RXRB: variants seen among roughly 807,000 people sequenced by gnomAD.
RXRB encodes retinoid X receptor beta.
In RXRB, 18 loss-of-function variants were observed where a neutral mutation model predicts 52.5. That is an observed-to-expected ratio of 0.34 (90% CI 0.24 to 0.51). RXRB has a LOEUF of 0.51. Ranked by LOEUF, RXRB falls within the 20% of genes least tolerant of loss-of-function variation. The pLI is 0.97. For synonymous variants in RXRB, 233 were observed against 267.1 expected, an observed-to-expected ratio of 0.87 and a Z score of 1.25; for missense variants, 455 against 698.2, an observed-to-expected ratio of 0.65 and a Z score of 3.92.
chr6:33,196,551 A>G lies in RXRB; in HGVS notation c.876T>C (p.Ala292=), dbSNP rs766184470. Residue 292 remains alanine (A), a synonymous_variant, in exon 5 of 10, where the codon GCT becomes GCC. Coordinates refer to ENST00000374680, the MANE Select transcript of RXRB (RefSeq NM_021976.5). The surrounding 1 kb of genome is among the most constrained non-coding windows in gnomAD (Gnocchi z 4.0). Reference sequence around the variant, plus strand: ...CAGGCATCTCCTCGGGGGCTCCCCCAGCCCCCTCCCCATCCCCATCCTTGT... The same window carrying G: ...CAGGCATCTCCTCGGGGGCTCCCCCGGCCCCCTCCCCATCCCCATCCTTGT... The part of the protein sequence containing the change: ...GKDKDGDGEG[A]GGAPEEMPVD... 79 of 1,590,106 alleles carry G rather than the reference A, an allele frequency of 5.0e-5. No homozygotes were observed. Among genetic ancestry groups the G allele is most frequent in the Non-Finnish European group, 5.6e-5 (65 of 1,159,880 alleles).
Position 33,194,451 on chromosome 6 carries a change from A to T in RXRB, c.*231T>A, listed in dbSNP as rs5030979. On this transcript the variant is annotated 3_prime_UTR_variant, in exon 10 of 10. Transcript: ENST00000374680. The surrounding 1 kb of genome is among the most constrained non-coding windows in gnomAD (Gnocchi z 4.1). The stretch of plus-strand genomic sequence containing the variant: ...AATCATGGGAGAACCCGACAAATTC[A>T]GAGACTCAAGGCCACCGAAGAGAGA... 59,414 of 506,762 alleles carry T rather than the reference A, an allele frequency of 0.12. 4,392 individuals are homozygous for T. The highest frequency in any genetic ancestry group is 0.25 in the Admixed American group (7,077 of 27,998). 31.4% of individuals were successfully genotyped at this position (506,762 alleles called of 1,614,324 possible).
rs552458475 is a variant in RXRB at position 33,196,914 on chromosome 6, T to A, written c.821-308A>T. ...GAGAAAGCTGATTGAAAAAAAAAAT[T>A]TTTTTAAATAAAATATGCCAAGAAA... On this transcript the variant is annotated intron_variant, in intron 4 of 9. Coordinates refer to ENST00000374680, the MANE Select transcript of RXRB (RefSeq NM_021976.5). This position sits in a 1 kb window ranked among gnomAD's most constrained non-coding sequence, Gnocchi z 4.0. 5.6e-4 allele frequency among the ~76,000 whole-genome samples: 85 copies of A among 152,132 alleles called. No individual in the cohort carries two copies. The highest frequency in any genetic ancestry group is 1.7e-3 in the African/African-American group (72 of 41,484).
Position 33,200,256 on chromosome 6 carries a change from C to T in RXRB, c.221G>A (p.Gly74Asp), listed in dbSNP as rs1774375787. 6.2e-7 allele frequency: 1 copy of T among 1,606,824 alleles called. No individual in the cohort carries two copies. The highest frequency in any genetic ancestry group is 8.5e-7 in the Non-Finnish European group (1 of 1,178,366). Residue 74 changes from glycine (G) to aspartate (D), a missense_variant, in exon 1 of 10, where the codon GGC becomes GAC. By Grantham distance (94) the Gly-to-Asp change is moderately conservative. Transcript: ENST00000374680. The surrounding 1 kb of genome is among the most constrained non-coding windows in gnomAD (Gnocchi z 6.3). ...EPGEAGRDGM[G>D]DSGRDSRSPD... Reference sequence around the variant, plus strand: ...GGGGCACTCACCCCGCCCGCTGTCGCCCATCCCGTCCCGTCCAGCCTCCCC... The same window carrying T: ...GGGGCACTCACCCCGCCCGCTGTCGTCCATCCCGTCCCGTCCAGCCTCCCC...
chr6:33,200,630 CA>C lies in RXRB; in HGVS notation c.-155del. 2 of 1,511,184 alleles carry C rather than the reference CA, an allele frequency of 1.3e-6. No homozygotes were observed. Among genetic ancestry groups the C allele is most frequent in the Non-Finnish European group, 1.8e-6 (2 of 1,129,186 alleles). The allele number at this position is 1,511,184 out of a possible 1,614,324, so 93.6% of individuals were successfully genotyped here. On this transcript the variant is annotated 5_prime_UTR_variant, in exon 1 of 10. An upstream open reading frame in the 5' UTR loses its in-frame stop. Transcript: ENST00000374680. This position sits in a 1 kb window ranked among gnomAD's most constrained non-coding sequence, Gnocchi z 6.3. ...GTCGCTCTGCTCAGTACCAAAATGA[CA>C]GCGCCAATGTGGCAGCCATCTTTGT... is the stretch of plus-strand genomic sequence containing the variant.
chr6:33,198,276 C>G, intron 3 of RXRB, 32 bp downstream of exon 3: 2 of 1,612,862 alleles, frequency 1.2e-6, no homozygotes, highest in Non-Finnish European at 1.7e-6. Context: ...GGCCCAGACT[C>G]TCCCTCTCTG....
In RXRB at chr6:33,199,413, G is replaced by A. The variant is rs916062111; in HGVS notation, c.239C>T (p.Ser80Phe). The A allele has an allele frequency of 4.8e-6, 6 of 1,253,006 alleles. No individual in the cohort carries two copies. The African/African-American group carries it at 7.8e-5, about 16-fold the overall frequency. 77.6% of individuals were successfully genotyped at this position (1,253,006 alleles called of 1,614,324 possible). A position where few individuals can be genotyped will look rare whatever the true frequency, so the allele number is the denominator to read the frequency against. ...RDGMGDSGRD[S>F]RSPDSSSPNP... ...TGGGGAGGAGCTGTCTGGGCTTCGG[G>A]AGTCTGAGGGAGGGGTATGTACAGG... Residue 80 changes from serine to phenylalanine, a missense_variant, in exon 2 of 10, where the codon TCC (serine) becomes TTC (phenylalanine). Around this residue, in one of 4 missense-constraint regions of RXRB, gnomAD observed 225 missense variants for 258.6 expected, o/e 0.87. Transcript: ENST00000374680.
chr6:33,195,183 A>C lies in RXRB; in HGVS notation c.1349-133T>G. 1.3e-6 allele frequency: 1 copy of C among 788,818 alleles called. No homozygotes were observed. The highest frequency in any genetic ancestry group is 2.1e-6 in the Non-Finnish European group (1 of 465,220). The allele number at this position is 788,818 out of a possible 1,614,324, so 48.9% of individuals were successfully genotyped here. On this transcript the variant is annotated intron_variant, in intron 8 of 9. Transcript: ENST00000374680. This position sits in a 1 kb window ranked among gnomAD's most constrained non-coding sequence, Gnocchi z 8.6. ...CCTTTACCAGAGGCCTGGCAAGGGA[A>C]GCAGGGCCCACTGGGTTTGTGGGAT...
At position 33,194,998 on chromosome 6, in the gene RXRB, C is replaced by G; in HGVS notation, c.1401G>C (p.Val467=). 6.2e-7 allele frequency: 1 copy of G among 1,612,972 alleles called. No homozygotes were observed. Among genetic ancestry groups the G allele is most frequent in the Non-Finnish European group, 8.5e-7 (1 of 1,180,012 alleles). ...PSEVEVLREK[V]YASLETYCKQ... ...TGCAGTAGGTCTCCAGTGATGCATA[C>G]ACTTTCTCCCGCAGGACCTCCACCT... Residue 467 remains valine, a synonymous_variant, in exon 9 of 10, where the codon GTG becomes GTC. Transcript: ENST00000374680. This position sits in a 1 kb window ranked among gnomAD's most constrained non-coding sequence, Gnocchi z 4.1.
rs369477489 is a variant in RXRB at position 33,200,312 on chromosome 6, G to A, written c.165C>T (p.Gly55=). Reference sequence around the variant, plus strand: ...CCGGCTCCGGGGTTTGTTGTTCTCCGCCTGCCACCGCCGCCGCCGCCGCCG... The same window carrying A: ...CCGGCTCCGGGGTTTGTTGTTCTCCACCTGCCACCGCCGCCGCCGCCGCCG... ...PAAAAAAAVA[G]GEQQTPEPEP... The change falls in exon 1 of 10, where the codon GGC becomes GGT. Residue 55 remains glycine (G), a synonymous_variant. Coordinates refer to ENST00000374680, the MANE Select transcript of RXRB (RefSeq NM_021976.5). This position sits in a 1 kb window ranked among gnomAD's most constrained non-coding sequence, Gnocchi z 6.3. 10 of 1,592,444 alleles carry A rather than the reference G, an allele frequency of 6.3e-6. No individual in the cohort carries two copies. The highest frequency in any genetic ancestry group is 3.5e-4 in the Middle Eastern group (2 of 5,670).
Position 33,197,651 on chromosome 6 carries a change from C to A in RXRB, c.820+111G>T. On this transcript the variant is annotated intron_variant, in intron 4 of 9. Transcript: ENST00000374680. The surrounding 1 kb of genome is among the most constrained non-coding windows in gnomAD (Gnocchi z 4.4). ...GCGAAGGGAGAGAGAAATCAAATATCGCCCTCTAGAGGAGAGAGAGCAGTC... is the reference window on the plus strand; with the variant it reads ...GCGAAGGGAGAGAGAAATCAAATATAGCCCTCTAGAGGAGAGAGAGCAGTC... 1 of 939,586 alleles carries A rather than the reference C, an allele frequency of 1.1e-6. No homozygotes were observed. The highest frequency in any genetic ancestry group is 1.6e-6 in the Non-Finnish European group (1 of 629,964). The allele number at this position is 939,586 out of a possible 1,614,324, so 58.2% of individuals were successfully genotyped here.
chr6:33,200,223 C>G lies in RXRB; in HGVS notation c.235+19G>C. 6.2e-7 allele frequency: 1 copy of G among 1,603,826 alleles called. No individual in the cohort carries two copies. Among genetic ancestry groups the G allele is most frequent in the Non-Finnish European group, 8.5e-7 (1 of 1,176,302 alleles). ...TAAAGCGGTCACTGGCTCGCCTGCC[C>G]TTCTGCTGGGGCACTCACCCCGCCC... On this transcript the variant is annotated intron_variant, in intron 1 of 9. Coordinates refer to ENST00000374680, the MANE Select transcript of RXRB (RefSeq NM_021976.5). The surrounding 1 kb of genome is among the most constrained non-coding windows in gnomAD (Gnocchi z 6.3).
chr6:33,199,179 C>T lies in RXRB; in HGVS notation c.473G>A (p.Ser158Asn), dbSNP rs369876854. The change falls in exon 2 of 10, where the codon AGC becomes AAC. Residue 158 changes from serine to asparagine, a missense_variant. Transcript: ENST00000374680. ...PAPPGFSGPV[S>N]SPQINSTVSL... is the part of the protein sequence containing the mutation. ...GTCACAACCTCTCACCTGGGGGCTG[C>T]TGACAGGCCCGGAGAATCCTGGGGG... The T allele has an allele frequency of 2.7e-5, 35 of 1,297,738 alleles. No homozygotes were observed. Among genetic ancestry groups the T allele is most frequent in the Admixed American group, 3.3e-5 (1 of 30,406 alleles). 80.4% of individuals were successfully genotyped at this position (1,297,738 alleles called of 1,614,324 possible).
In RXRB at chr6:33,195,106, G is replaced by A. The variant is rs773422156; in HGVS notation, c.1349-56C>T. On this transcript the variant is annotated intron_variant, in intron 8 of 9. Coordinates refer to ENST00000374680, the MANE Select transcript of RXRB (RefSeq NM_021976.5). The surrounding 1 kb of genome is among the most constrained non-coding windows in gnomAD (Gnocchi z 8.6). ...AAATGAAGACAAACCAAATCAGGAT[G>A]GCCATGCAGATGTGAGCCACAGGAT... The A allele has an allele frequency of 4.6e-6, 6 of 1,301,886 alleles. No individual in the cohort carries two copies. Among genetic ancestry groups the A allele is most frequent in the Non-Finnish European group, 6.7e-6 (6 of 899,724 alleles). 80.6% of individuals were successfully genotyped at this position (1,301,886 alleles called of 1,614,324 possible).
In RXRB at chr6:33,199,165, T is replaced by C; in HGVS notation, c.483+4A>G. The C allele has an allele frequency of 7.7e-7, 1 of 1,297,778 alleles. No homozygotes were observed. The highest frequency in any genetic ancestry group is 9.8e-7 in the Non-Finnish European group (1 of 1,017,092). The allele number at this position is 1,297,778 out of a possible 1,614,324, so 80.4% of individuals were successfully genotyped here. A position where few individuals can be genotyped will look rare whatever the true frequency, so the allele number is the denominator to read the frequency against. ...CAGGCAGTAAGTTGGTCACAACCTC[T>C]CACCTGGGGGCTGCTGACAGGCCCG... is the stretch of plus-strand genomic sequence containing the variant. On this transcript the variant is annotated splice_donor_region_variant and intron_variant, in intron 2 of 9. Coordinates refer to ENST00000374680, the MANE Select transcript of RXRB (RefSeq NM_021976.5).
At chr6:33,200,802 A>G (rs2150679261), upstream of RXRB, 1 of 1,523,224 alleles carries the variant, frequency 6.6e-7, no homozygotes, top group African/African-American at 1.4e-5. This position sits in a 1 kb window ranked among gnomAD's most constrained non-coding sequence, Gnocchi z 6.3. Context: ...TGCAGGATGG[A>G]TTCGTCGCTA....
chr6:33,198,933 A>C (rs796382814), intron 2 of RXRB, among the ~76,000 whole-genome samples: 1,672 of 127,946 alleles, frequency 0.013, 24 homozygotes, highest in African/African-American at 0.043. Flanking sequence ...AAAAAAAAAA[A>C]ACACACACAC....
chr6:33,200,733 T>A, upstream of RXRB: 1 of 1,544,830 alleles, frequency 6.5e-7, no homozygotes, highest in Non-Finnish European at 8.7e-7. This position sits in a 1 kb window ranked among gnomAD's most constrained non-coding sequence, Gnocchi z 6.3. Flanking sequence ...CTCCGGCCTG[T>A]TAGCCCGCCT....
In RXRB at chr6:33,196,456, C is replaced by A; in HGVS notation, c.971G>T (p.Gly324Val). 1 of 1,612,980 alleles carries A rather than the reference C, an allele frequency of 6.2e-7. No individual in the cohort carries two copies. The change falls in exon 5 of 10, where the codon GGA (glycine) becomes GTA (valine). Residue 324 changes from glycine (G) to valine (V), a missense_variant. Physicochemically the swap from Gly to Val is moderately radical, Grantham distance 109. This residue lies in a region of RXRB where 100 missense variants were observed against 141.9 expected (regional missense o/e 0.70). Transcript: ENST00000374680. The surrounding 1 kb of genome is among the most constrained non-coding windows in gnomAD (Gnocchi z 4.0). ...KSDQGVEGPG[G>V]TGGSGSSPND... ...CACGCTGCTGCCGCTACCCCCGGTT[C>A]CCCCAGGACCCTCAACGCCCTGGTC...
At position 33,195,570 on chromosome 6, in the gene RXRB, C is replaced by A; in HGVS notation, c.1256G>T (p.Arg419Leu). The part of the protein sequence containing the change: ...HSAGVGAIFD[R>L]VLTELVSKMR... Reference sequence around the variant, plus strand: ...GCCAGCCTAGCCGAGGGCCACTGACCGATCAAAGATGGCTCCTACTCCTGC... The same window carrying A: ...GCCAGCCTAGCCGAGGGCCACTGACAGATCAAAGATGGCTCCTACTCCTGC... Residue 419 changes from arginine (R) to leucine (L), a missense_variant and splice_region_variant, in exon 7 of 10, where the codon CGG (arginine) becomes CTG (leucine). Transcript: ENST00000374680. The surrounding 1 kb of genome is among the most constrained non-coding windows in gnomAD (Gnocchi z 8.6). 6.2e-7 allele frequency: 1 copy of A among 1,613,072 alleles called. No homozygotes were observed. The highest frequency in any genetic ancestry group is 1.1e-5 in the South Asian group (1 of 91,084).
Sources: gnomAD v4.1 joint callset for allele counts (sites outside exome capture counted in the v4.1 genomes callset) on GRCh38, gnomAD v4.1.1 for gene constraint, gnomAD v4.1.1 regional missense constraint, Gnocchi (gnomAD v3.1) non-coding constraint, MANE v1.5 for transcripts, NCBI Gene and HGNC (gene_info 2026-07-23, HGNC 2026-07-21) for gene names.